The following NCAM1 variants were observed in gnomAD, a reference collection of about 807,000 sequenced individuals.
The protein encoded by NCAM1 is antigen recognized by monoclonal antibody 5.1H11.
A neutral mutation model predicts 109.8 loss-of-function variants in NCAM1; 14 were observed. The ratio of observed to expected loss-of-function variants is 0.13; its 90% CI spans 0.08 to 0.20. The LOEUF (loss-of-function observed/expected upper bound fraction) is 0.20, where lower values mean the gene tolerates loss of function less well. NCAM1 is among the 10% of genes least tolerant of loss of function. NCAM1 has a pLI of 1.00. For synonymous variants in NCAM1, 418 were observed against 442.9 expected (o/e 0.94, Z 0.70); for missense variants, 774 against 1,109.9 (o/e 0.70, Z 4.30).
intron 1 of NCAM1, among the ~76,000 whole-genome samples, chr11:113,067,906 G>GTTTTT (rs782134624): frequency 8.8e-5 from 11 of 125,432 alleles, no homozygotes; most frequent in African/African-American, 1.2e-4. Context: ...CATATAACAA[G>GTTTTT]TTTTTTTTTT....
At chr11:113,209,560 G>A (rs1057444928) in intron 7 of NCAM1, among the ~76,000 whole-genome samples, 9 of 152,100 alleles carry the variant, frequency 5.9e-5, no homozygotes, top group African/African-American at 1.9e-4. Context: ...CTGGACAGAG[G>A]GGCTACAGAG....
chr11:113,028,589 C>A (rs1946732085), intron 1 of NCAM1, among the ~76,000 whole-genome samples: 1 of 152,132 alleles, frequency 6.6e-6, no homozygotes, highest in African/African-American at 2.4e-5. Flanking sequence ...TCAAATCATG[C>A]CTACCTTTCT....
At chr11:113,011,786 A>G (rs953014986) in intron 1 of NCAM1, among the ~76,000 whole-genome samples, 1 of 152,184 alleles carries the variant, frequency 6.6e-6, no homozygotes, top group Non-Finnish European at 1.5e-5. Flanking sequence ...TATGCTCATC[A>G]ACACTGTCAA....
In NCAM1 at chr11:113,134,322, G is replaced by T. The variant is rs527828887; in HGVS notation, c.53-68057G>T. On this transcript the variant is annotated intron_variant, in intron 1 of 19. Coordinates refer to ENST00000316851, the MANE Select transcript of NCAM1 (RefSeq NM_181351.5). ...TTCGCATGTAACCGGATTTTTTTTC[G>T]TTTTTTAAGTCTGAATAATATTTCA... is the stretch of plus-strand genomic sequence containing the variant. 9.0e-3 allele frequency among the ~76,000 whole-genome samples: 1,365 copies of T among 151,708 alleles called. 9 individuals are homozygous for T. The highest frequency in any genetic ancestry group is 0.016 in the Non-Finnish European group (1,053 of 67,852).
At chr11:113,192,235 T>G (rs531563382) in intron 1 of NCAM1, among the ~76,000 whole-genome samples, 2 of 152,052 alleles carry the variant, frequency 1.3e-5, no homozygotes, top group East Asian at 3.9e-4. Flanking sequence ...AATCAGATAG[T>G]GTACAGCCAT....
At chr11:113,111,785 G>C (rs569577489) in intron 1 of NCAM1, among the ~76,000 whole-genome samples, 1 of 152,212 alleles carries the variant, frequency 6.6e-6, no homozygotes, top group African/African-American at 2.4e-5. Flanking sequence ...CTTTAAAAGA[G>C]AGACTCTGTC....
intron 1 of NCAM1, among the ~76,000 whole-genome samples, chr11:113,081,568 CT>C (rs1938821139): frequency 6.6e-6 from 1 of 151,530 alleles, no homozygotes; most frequent in South Asian, 2.1e-4. Flanking sequence ...TTGTTTCGCT[CT>C]TGTCACCCAG....
chr11:113,271,742 G>T lies in NCAM1; in HGVS notation c.2340-18G>T. 6.5e-7 allele frequency: 1 copy of T among 1,545,322 alleles called. No individual in the cohort carries two copies. Among genetic ancestry groups the T allele is most frequent in the South Asian group, 1.2e-5 (1 of 83,676 alleles). The stretch of plus-strand genomic sequence containing the variant: ...CTGCAGCTGCCCTAGGGTCTAACCA[G>T]CAGTACTGTCTCCACAGGAAAGATG... On this transcript the variant is annotated intron_variant, in intron 18 of 19. Coordinates refer to ENST00000316851, the MANE Select transcript of NCAM1 (RefSeq NM_181351.5).
intron 1 of NCAM1, among the ~76,000 whole-genome samples, chr11:113,084,766 C>T (rs1939002108): frequency 6.6e-6 from 1 of 152,142 alleles, no homozygotes; most frequent in Admixed American, 6.5e-5. Context: ...ACCAGACTTC[C>T]CTCCCACATA....
intron 1 of NCAM1, among the ~76,000 whole-genome samples, chr11:113,070,284 G>T (rs1345299687): frequency 6.6e-6 from 1 of 152,124 alleles, no homozygotes; most frequent in Non-Finnish European, 1.5e-5. Flanking sequence ...GGAGGTGAAA[G>T]AAAATAGCAA....
At chr11:113,125,439 T>C (rs183114581) in intron 1 of NCAM1, among the ~76,000 whole-genome samples, 1 of 152,360 alleles carries the variant, frequency 6.6e-6, no homozygotes, top group Admixed American at 6.5e-5. Context: ...TATTTATTAA[T>C]GAACAGGATT....
intron 1 of NCAM1, among the ~76,000 whole-genome samples, chr11:112,992,851 T>A (rs565039243): frequency 2.6e-5 from 4 of 152,210 alleles, no homozygotes; most frequent in Non-Finnish European, 5.9e-5. Flanking sequence ...ATATTTCATA[T>A]TAATGTATAA....
At chr11:113,102,027 T>C (rs941723150) in intron 1 of NCAM1, among the ~76,000 whole-genome samples, 4 of 152,188 alleles carry the variant, frequency 2.6e-5, no homozygotes, top group Non-Finnish European at 1.5e-5. Flanking sequence ...TAAGTATGGG[T>C]TAATACCTGA....
At chr11:113,095,458 T>C (rs558224332) in intron 1 of NCAM1, among the ~76,000 whole-genome samples, 2 of 152,294 alleles carry the variant, frequency 1.3e-5, no homozygotes, top group African/African-American at 4.8e-5. Flanking sequence ...AGTCCAGCAA[T>C]TGCTTGGATG....
chr11:113,167,295 G>C (rs1181000370), intron 1 of NCAM1, among the ~76,000 whole-genome samples: 1 of 152,020 alleles, frequency 6.6e-6, no homozygotes, highest in African/African-American at 2.4e-5. Context: ...CCCACACTTG[G>C]AAAAAATACC....
At chr11:113,235,565 G>T (rs984516284) in intron 14 of NCAM1, among the ~76,000 whole-genome samples, 1 of 152,232 alleles carries the variant, frequency 6.6e-6, no homozygotes, top group Non-Finnish European at 1.5e-5. Context: ...GATGGTGACA[G>T]TTCACATAAT....
chr11:113,203,276 G>A (rs920214905), intron 2 of NCAM1, among the ~76,000 whole-genome samples: 2 of 152,204 alleles, frequency 1.3e-5, no homozygotes, highest in Non-Finnish European at 2.9e-5. Flanking sequence ...GTGGCCGTCG[G>A]ATGTGTTCAC....
At chr11:113,147,048 T>C (rs1261037669) in intron 1 of NCAM1, among the ~76,000 whole-genome samples, 1 of 152,218 alleles carries the variant, frequency 6.6e-6, no homozygotes, top group African/African-American at 2.4e-5. Flanking sequence ...GTTTCCTAGT[T>C]GTGCCATTAT....
chr11:113,175,217 G>A (rs1206576607), intron 1 of NCAM1, among the ~76,000 whole-genome samples: 2 of 152,210 alleles, frequency 1.3e-5, no homozygotes, highest in Non-Finnish European at 2.9e-5. Flanking sequence ...AGGAGTTGAT[G>A]GAAGCTTAAT....
Sources: gnomAD v4.1 joint callset for allele counts (sites outside exome capture counted in the v4.1 genomes callset) on GRCh38, gnomAD v4.1.1 for gene constraint, MANE v1.5 for transcripts, NCBI Gene and HGNC (gene_info 2026-07-23, HGNC 2026-07-21) for gene names.